PDE4D: variants seen among roughly 807,000 people sequenced by gnomAD.
PDE4D encodes the protein phosphodiesterase 4D, also known as 3',5'-cyclic-AMP phosphodiesterase 4D.
PDE4D carries 24 observed loss-of-function variants against 87.4 expected under a neutral mutation model. The observed-to-expected ratio is 0.27, with a 90% CI of 0.20 to 0.39. The LOEUF is 0.39. Among genes scored for constraint, PDE4D ranks in the 10% least tolerant of loss-of-function variants. The pLI is 1.00. For missense variants in PDE4D, 714 were observed against 1,041.0 expected (o/e 0.69, Z 4.32); for synonymous variants, 384 against 383.2 (o/e 1.00, Z -0.02).
chr5:59,106,722 T>C (rs1292836220), intron 5 of PDE4D, among the ~76,000 whole-genome samples: 1 of 152,208 alleles, frequency 6.6e-6, no homozygotes, highest in Non-Finnish European at 1.5e-5. Flanking sequence ...ATCGCGCCAT[T>C]GCACTCCAGC....
intron 2 of PDE4D, among the ~76,000 whole-genome samples, chr5:60,128,908 G>A (rs983558154): frequency 6.6e-6 from 1 of 152,186 alleles, no homozygotes; most frequent in Admixed American, 6.6e-5. Flanking sequence ...ATAATTCAAG[G>A]TGGTTCTGTT....
intron 1 of PDE4D, among the ~76,000 whole-genome samples, chr5:60,270,785 C>T (rs1225032284): frequency 6.6e-6 from 1 of 152,154 alleles, no homozygotes; most frequent in African/African-American, 2.4e-5. Context: ...AGCTCTGAAA[C>T]AGTAACCCTG....
Position 59,893,257 on chromosome 5 carries a change from G to A in PDE4D, c.366C>T (p.Asp122=). The A allele has an allele frequency of 6.4e-7, 1 of 1,553,132 alleles. No homozygotes were observed. The highest frequency in any genetic ancestry group is 8.7e-7 in the Non-Finnish European group (1 of 1,148,122). The change falls in exon 1 of 15, where the codon GAC becomes GAT. Residue 122 remains aspartate, a synonymous_variant. Transcript: ENST00000340635. ...CGGTCTCCACCGCGTAGGAGGTGCG[G>A]TCCATGGCGCGACAGTACAGGTAGC... ...TERYLYCRAM[D]RTSYAVETGH...
chr5:59,811,244 G>C (rs1447150395), intron 1 of PDE4D, among the ~76,000 whole-genome samples: 1 of 152,090 alleles, frequency 6.6e-6, no homozygotes, highest in Non-Finnish European at 1.5e-5. Context: ...ATTTTCCCTG[G>C]GGAATTTTAG....
intron 1 of PDE4D, among the ~76,000 whole-genome samples, chr5:60,218,513 G>GA (rs147176887): frequency 0.19 from 29,191 of 151,340 alleles, 3,043 homozygotes; most frequent in Middle Eastern, 0.3. Context: ...CTCACTTAAG[G>GA]AAAAAAAAGA....
chr5:59,851,430 T>C (rs1744646010), intron 1 of PDE4D, among the ~76,000 whole-genome samples: 1 of 152,046 alleles, frequency 6.6e-6, no homozygotes, highest in Admixed American at 6.6e-5. Context: ...TAACAGAGAT[T>C]GATCTTATTT....
intron 2 of PDE4D, among the ~76,000 whole-genome samples, chr5:60,078,667 G>A (rs1773589451): frequency 6.6e-6 from 1 of 152,168 alleles, no homozygotes; most frequent in African/African-American, 2.4e-5. Flanking sequence ...GTTAGTTTCT[G>A]AGGATGATGG....
chr5:60,186,143 C>T (rs1313471581), intron 1 of PDE4D, among the ~76,000 whole-genome samples: 1 of 152,098 alleles, frequency 6.6e-6, no homozygotes, highest in South Asian at 2.1e-4. Flanking sequence ...TGCATCATTG[C>T]GTCTTGTTTC....
At chr5:59,940,714 A>G (rs1449416028) in intron 3 of PDE4D, among the ~76,000 whole-genome samples, 4 of 152,174 alleles carry the variant, frequency 2.6e-5, no homozygotes, top group African/African-American at 7.2e-5. Flanking sequence ...CGGAGCTCAG[A>G]GGGAAGGCCT....
chr5:59,705,251 C>T (rs4700340), intron 1 of PDE4D, among the ~76,000 whole-genome samples: 28,559 of 152,094 alleles, frequency 0.19, 3,214 homozygotes, highest in South Asian at 0.26. Context: ...TCCTCCCCTT[C>T]CTTAATAACC....
intron 1 of PDE4D, among the ~76,000 whole-genome samples, chr5:60,223,095 G>C (rs1284670708): frequency 6.6e-6 from 1 of 152,090 alleles, no homozygotes; most frequent in African/African-American, 2.4e-5. Flanking sequence ...GGTTGGCACT[G>C]CACTGAATGT....
At chr5:60,513,254 A>G (rs538848062) in intron 1 of PDE4D, among the ~76,000 whole-genome samples, 35 of 152,294 alleles carry the variant, frequency 2.3e-4, no homozygotes, top group Non-Finnish European at 4.4e-4. Context: ...AAGAATAGAA[A>G]GAGGTCGCTA....
intron 1 of PDE4D, among the ~76,000 whole-genome samples, chr5:59,429,664 A>C (rs1795823507): frequency 6.6e-6 from 1 of 152,154 alleles, no homozygotes; most frequent in South Asian, 2.1e-4. Flanking sequence ...TTCATTGTTA[A>C]TTGCTGAAGA....
chr5:59,629,569 C>T (rs760471217), intron 1 of PDE4D, among the ~76,000 whole-genome samples: 38 of 152,202 alleles, frequency 2.5e-4, no homozygotes, highest in Admixed American at 6.5e-4. Context: ...TCACAGCCCT[C>T]GGAAAGAACC....
At chr5:59,685,612 CA>C (rs1033937005) in intron 1 of PDE4D, among the ~76,000 whole-genome samples, 193 of 152,224 alleles carry the variant, frequency 1.3e-3, no homozygotes, top group African/African-American at 4.5e-3. Flanking sequence ...AGGAAGCAAA[CA>C]ATTGTTTTTC....
intron 1 of PDE4D, among the ~76,000 whole-genome samples, chr5:59,234,047 CCTCTT>C (rs1389548683): frequency 6.6e-6 from 1 of 152,124 alleles, no homozygotes; most frequent in African/African-American, 2.4e-5. Context: ...AGGCATTTGA[CCTCTT>C]CTCTAATCAC....
At chr5:59,394,089 T>C (rs1235867782) in intron 1 of PDE4D, among the ~76,000 whole-genome samples, 1 of 152,062 alleles carries the variant, frequency 6.6e-6, no homozygotes, top group Non-Finnish European at 1.5e-5. Flanking sequence ...TCTCAAGTGG[T>C]TCCCCTTCAG....
At chr5:60,509,489 A>T (rs1750473373) in intron 1 of PDE4D, among the ~76,000 whole-genome samples, 1 of 152,250 alleles carries the variant, frequency 6.6e-6, no homozygotes, top group African/African-American at 2.4e-5. Context: ...ATAATCTGTG[A>T]TAATGAAGAT....
chr5:59,955,853 C>T (rs1422406395), intron 3 of PDE4D, among the ~76,000 whole-genome samples: 2 of 152,102 alleles, frequency 1.3e-5, no homozygotes, highest in African/African-American at 4.8e-5. Flanking sequence ...GTAAGATCGA[C>T]ATGTTCTTTG....
Sources: gnomAD v4.1 joint callset for allele counts (sites outside exome capture counted in the v4.1 genomes callset) on GRCh38, gnomAD v4.1.1 for gene constraint, MANE v1.5 for transcripts, NCBI Gene and HGNC (gene_info 2026-07-23, HGNC 2026-07-21) for gene names.